SUMF1: variants seen among roughly 807,000 people sequenced by gnomAD.
The protein encoded by SUMF1 is sulfatase modifying factor 1, also known as formylglycine-generating enzyme.
A neutral mutation model predicts 47.6 loss-of-function variants in SUMF1; 48 were observed. The ratio of observed to expected loss-of-function variants is 1.01; its 90% confidence interval spans 0.80 to 1.28. SUMF1 has a LOEUF of 1.28. Among genes scored for constraint, SUMF1 ranks in the 50% most tolerant of loss-of-function variants. The pLI is 0.00. For synonymous variants in SUMF1, 230 were observed against 192.1 expected, an observed-to-expected ratio of 1.20 and a Z score of -1.63; for missense variants, 571 against 485.4, an observed-to-expected ratio of 1.18 and a Z score of -1.66.
intron 8 of SUMF1, among the ~76,000 whole-genome samples, chr3:4,330,093 C>G (rs1050300035): frequency 1.9e-4 from 29 of 152,302 alleles, no homozygotes; most frequent in African/African-American, 7.0e-4. Context: ...GAGACCACCT[C>G]AGCCTGGACT....
intron 8 of SUMF1, among the ~76,000 whole-genome samples, chr3:4,351,055 G>A (rs1193878614): frequency 3.3e-5 from 5 of 152,124 alleles, no homozygotes; most frequent in South Asian, 2.1e-4. Flanking sequence ...ACCCACAGAC[G>A]GAGGTACAAG....
chr3:4,266,141 T>C (rs1470084775), intron 8 of SUMF1, among the ~76,000 whole-genome samples: 3 of 152,182 alleles, frequency 2.0e-5, no homozygotes, highest in South Asian at 2.1e-4. Flanking sequence ...AGCCTTGTAG[T>C]ATAGTTTGAA....
chr3:4,412,381 C>T (rs567077675), intron 6 of SUMF1, among the ~76,000 whole-genome samples: 2 of 152,142 alleles, frequency 1.3e-5, no homozygotes, highest in Admixed American at 6.5e-5. Context: ...TTCTCCTTTA[C>T]AAAAGTAGAG....
intron 8 of SUMF1, among the ~76,000 whole-genome samples, chr3:4,175,346 G>C (rs966231899): frequency 6.6e-6 from 1 of 152,104 alleles, no homozygotes; most frequent in African/African-American, 2.4e-5. Context: ...GGAAGGATCA[G>C]GCAGCAATAT....
intron 8 of SUMF1, among the ~76,000 whole-genome samples, chr3:4,285,164 A>G (rs1186161992): frequency 6.6e-6 from 1 of 152,208 alleles, no homozygotes; most frequent in African/African-American, 2.4e-5. Context: ...TATAATAGGC[A>G]TAACTATAGC....
intron 8 of SUMF1, among the ~76,000 whole-genome samples, chr3:4,078,904 T>C (rs1692497407): frequency 6.6e-6 from 1 of 152,090 alleles, no homozygotes; most frequent in South Asian, 2.1e-4. Context: ...GTAGTGTGGA[T>C]TTAAAGTTTA....
At chr3:4,217,386 GA>G (rs1695948804) in intron 8 of SUMF1, among the ~76,000 whole-genome samples, 1 of 147,638 alleles carries the variant, frequency 6.8e-6, no homozygotes, top group South Asian at 2.2e-4. Context: ...TTAGGGGAGG[GA>G]TAACATTAGG....
chr3:4,137,552 C>T (rs1236841629), intron 8 of SUMF1, among the ~76,000 whole-genome samples: 2 of 152,096 alleles, frequency 1.3e-5, no homozygotes, highest in Non-Finnish European at 2.9e-5. Context: ...AGCACACCAA[C>T]ATGGCACACG....
intron 8 of SUMF1, among the ~76,000 whole-genome samples, chr3:4,306,088 C>A (rs1278362719): frequency 6.6e-6 from 1 of 152,162 alleles, no homozygotes; most frequent in Non-Finnish European, 1.5e-5. Context: ...GAAAAACGCA[C>A]TCTACCCTCA....
chr3:4,313,971 A>G, intron 8 of SUMF1: 1 of 914,270 alleles, frequency 1.1e-6, no homozygotes, highest in South Asian at 1.8e-5. Context: ...TCCTAGTTAG[A>G]TTTGTCTTAG....
chr3:4,235,828 C>T (rs545795801), intron 8 of SUMF1, among the ~76,000 whole-genome samples: 2 of 152,162 alleles, frequency 1.3e-5, no homozygotes, highest in South Asian at 2.1e-4. Context: ...TTTCATTCAA[C>T]GCTGCCCTGA....
intron 7 of SUMF1, among the ~76,000 whole-genome samples, chr3:4,399,663 G>A (rs750324800): frequency 1.3e-5 from 2 of 152,212 alleles, no homozygotes; most frequent in Non-Finnish European, 2.9e-5. Flanking sequence ...TCATGAAAAA[G>A]ATGGAAAGGA....
chr3:4,334,046 T>G (rs1170693195), intron 8 of SUMF1, among the ~76,000 whole-genome samples: 1 of 151,994 alleles, frequency 6.6e-6, no homozygotes. Context: ...GCAGATCACT[T>G]GAGCCCAGAA....
At chr3:4,177,683 T>G (rs892525797) in intron 8 of SUMF1, among the ~76,000 whole-genome samples, 1 of 151,520 alleles carries the variant, frequency 6.6e-6, no homozygotes, top group African/African-American at 2.4e-5. Flanking sequence ...AAGAAATAAC[T>G]AAGATCAGAG....
intron 7 of SUMF1, among the ~76,000 whole-genome samples, chr3:4,379,561 T>C (rs945352449): frequency 1.3e-5 from 2 of 152,164 alleles, no homozygotes; most frequent in African/African-American, 4.8e-5. Flanking sequence ...ATTTCTGTTG[T>C]TTCAAGACAC....
chr3:4,078,745 A>T (rs1692494144), intron 8 of SUMF1, among the ~76,000 whole-genome samples: 2 of 151,762 alleles, frequency 1.3e-5, no homozygotes, highest in South Asian at 4.2e-4. Context: ...CCATCTCTAA[A>T]AAAAAAAATC....
intron 8 of SUMF1, among the ~76,000 whole-genome samples, chr3:4,211,293 T>C (rs113279080): frequency 1.1e-3 from 168 of 146,916 alleles, no homozygotes; most frequent in African/African-American, 3.8e-3. Context: ...TAGTACCCAT[T>C]AGTTATTTTT....
intron 8 of SUMF1, among the ~76,000 whole-genome samples, chr3:4,343,958 G>C (rs1309108729): frequency 6.6e-6 from 1 of 152,144 alleles, no homozygotes; most frequent in Non-Finnish European, 1.5e-5. Flanking sequence ...ATTTTAAAAA[G>C]ACCTAGACCT....
chr3:4,235,845 G>T (rs1370092699), intron 8 of SUMF1, among the ~76,000 whole-genome samples: 3 of 151,980 alleles, frequency 2.0e-5, no homozygotes, highest in Non-Finnish European at 2.9e-5. Flanking sequence ...CTGAATCACT[G>T]CTTCCCTCCC....
Sources: gnomAD v4.1 joint callset for allele counts (sites outside exome capture counted in the v4.1 genomes callset) on GRCh38, gnomAD v4.1.1 for gene constraint, MANE v1.5 for transcripts, NCBI Gene and HGNC (gene_info 2026-07-23, HGNC 2026-07-21) for gene names.